The following MLLT3 variants were observed in gnomAD, a reference collection of about 807,000 sequenced individuals.
The protein encoded by MLLT3 is MLLT3 super elongation complex subunit, also known as protein AF-9.
In MLLT3, 4 loss-of-function variants were observed where a neutral mutation model predicts 53.2. The observed-to-expected ratio is 0.08, with a 90% CI of 0.04 to 0.17. The LOEUF (loss-of-function observed/expected upper bound fraction) is 0.17, where lower values mean the gene tolerates loss of function less well. Ranked by LOEUF, MLLT3 falls within the 10% of genes least tolerant of loss-of-function variation. MLLT3 has a pLI of 1.00. For synonymous variants in MLLT3, 283 were observed against 230.6 expected (o/e 1.23, Z -2.06); for missense variants, 569 against 684.0 (o/e 0.83, Z 1.87).
chr9:20,602,508 T>C (rs1014416589), intron 2 of MLLT3, among the ~76,000 whole-genome samples: 2 of 152,126 alleles, frequency 1.3e-5, no homozygotes, highest in African/African-American at 2.4e-5. Flanking sequence ...TCTACATTTG[T>C]ATATGGGATA....
chr9:20,446,353 G>C (rs564799764), intron 4 of MLLT3, among the ~76,000 whole-genome samples: 1 of 152,282 alleles, frequency 6.6e-6, no homozygotes, highest in Admixed American at 6.5e-5. Context: ...GAATCATTCT[G>C]AGATAAAGGC....
intron 2 of MLLT3, among the ~76,000 whole-genome samples, chr9:20,462,890 C>T (rs757844600): frequency 6.6e-6 from 1 of 151,896 alleles, no homozygotes; most frequent in African/African-American, 2.4e-5. Flanking sequence ...GTATACAAGG[C>T]CTGGGCAGCA....
intron 5 of MLLT3, among the ~76,000 whole-genome samples, chr9:20,377,015 A>G (rs893423358): frequency 6.6e-6 from 1 of 152,190 alleles, no homozygotes; most frequent in East Asian, 1.9e-4. Context: ...CCAAAGACAT[A>G]TGTTTTAGCT....
intron 2 of MLLT3, among the ~76,000 whole-genome samples, chr9:20,567,201 G>C (rs1011780100): frequency 1.5e-4 from 20 of 135,286 alleles, no homozygotes; most frequent in African/African-American, 4.9e-4. Context: ...AAAAAAAGTA[G>C]GGCTGAAAAA....
rs776522896 is a variant in MLLT3 at position 20,622,260 on chromosome 9, T to G, written c.-4A>C. 6.3e-7 allele frequency: 1 copy of G among 1,597,156 alleles called. No individual in the cohort carries two copies. The highest frequency in any genetic ancestry group is 1.7e-5 in the Admixed American group (1 of 58,308). On this transcript the variant is annotated 5_prime_UTR_variant, in exon 1 of 11. Coordinates refer to ENST00000380338, the MANE Select transcript of MLLT3 (RefSeq NM_004529.4). ...GCGTACTTACCGAGCTAGCCATGCC[T>G]GGGGGCCCGGAGGTTTGCTGGGGTG...
intron 2 of MLLT3, among the ~76,000 whole-genome samples, chr9:20,483,655 T>C (rs1341955775): frequency 6.6e-6 from 1 of 151,150 alleles, no homozygotes; most frequent in Non-Finnish European, 1.5e-5. Context: ...AGACTCAATA[T>C]GACTTGATGT....
At chr9:20,555,456 G>A (rs35602867) in intron 2 of MLLT3, among the ~76,000 whole-genome samples, 13,289 of 152,142 alleles carry the variant, frequency 0.087, 833 homozygotes, top group Non-Finnish European at 0.14. Flanking sequence ...CTGCAACTGA[G>A]TTCTTGAACC....
chr9:20,343,924 T>C lies in MLLT3; in HGVS notation c.*2519A>G. The C allele has an allele frequency of 4.9e-6, 1 of 202,890 alleles. No homozygotes were observed. The highest frequency in any genetic ancestry group is 7.6e-5 in the East Asian group (1 of 13,084). The allele number at this position is 202,890 out of a possible 1,614,324, so 12.6% of individuals were successfully genotyped here. ...TGAAATTAATTCAAAGGGATCTTTT[T>C]ATTTCTGTATTTAAAAATTAGATGA... On this transcript the variant is annotated 3_prime_UTR_variant, in exon 11 of 11. Coordinates refer to ENST00000380338, the MANE Select transcript of MLLT3 (RefSeq NM_004529.4).
intron 2 of MLLT3, among the ~76,000 whole-genome samples, chr9:20,602,128 A>T (rs887004238): frequency 3.9e-5 from 6 of 152,174 alleles, no homozygotes; most frequent in African/African-American, 1.2e-4. Context: ...TAAGAGTACA[A>T]GTATTTTAAA....
intron 2 of MLLT3, among the ~76,000 whole-genome samples, chr9:20,510,134 C>A (rs773359991): frequency 1.5e-4 from 23 of 151,932 alleles, no homozygotes; most frequent in Middle Eastern, 3.4e-3. Flanking sequence ...AAATGATAAA[C>A]TAGAAGAAAA....
intron 5 of MLLT3, among the ~76,000 whole-genome samples, chr9:20,396,568 C>T (rs1822326952): frequency 6.6e-6 from 1 of 152,060 alleles, no homozygotes. Flanking sequence ...TTGTGTTCCT[C>T]ACCAAAATAT....
chr9:20,547,256 A>G (rs1319709487), intron 2 of MLLT3, among the ~76,000 whole-genome samples: 2 of 151,612 alleles, frequency 1.3e-5, no homozygotes, highest in Admixed American at 1.3e-4. Flanking sequence ...CTGGTTTCAA[A>G]CTCCTGGGCT....
At chr9:20,525,671 G>C (rs1563801284) in intron 2 of MLLT3, among the ~76,000 whole-genome samples, 1 of 152,078 alleles carries the variant, frequency 6.6e-6, no homozygotes, top group African/African-American at 2.4e-5. Flanking sequence ...TGTAGGTCTA[G>C]TCAGTCCCAA....
chr9:20,361,503 T>C (rs972777266), intron 7 of MLLT3, among the ~76,000 whole-genome samples: 14 of 152,244 alleles, frequency 9.2e-5, no homozygotes, highest in Admixed American at 6.5e-5. Flanking sequence ...TCATTTCTAC[T>C]GTGTCATTAT....
chr9:20,568,425 A>G (rs1354074596), intron 2 of MLLT3, among the ~76,000 whole-genome samples: 1 of 152,222 alleles, frequency 6.6e-6, no homozygotes, highest in East Asian at 1.9e-4. Context: ...GGATAATTTT[A>G]TTCAGTATGC....
At chr9:20,365,641 TCTC>T in intron 6 of MLLT3, 25 bp downstream of exon 6, 1 of 1,613,708 alleles carries the variant, frequency 6.2e-7, no homozygotes, top group East Asian at 2.2e-5. Flanking sequence ...GAGAAAAGCA[TCTC>T]CTAGTTTGCA....
intron 7 of MLLT3, 89 bp downstream of exon 7, chr9:20,363,387 T>C: frequency 6.6e-7 from 1 of 1,522,210 alleles, no homozygotes; most frequent in African/African-American, 1.4e-5. Flanking sequence ...GTTTTTGGTG[T>C]TTCACACCTT....
intron 4 of MLLT3, 54 bp from the exon 5 acceptor site, chr9:20,414,479 G>A: frequency 6.3e-7 from 1 of 1,594,292 alleles, no homozygotes; most frequent in East Asian, 2.2e-5. Context: ...GCAATGAAGA[G>A]TCAAAAGAGA....
In MLLT3 at chr9:20,503,778, A is replaced by G. The variant is rs544143141; in HGVS notation, c.194-46992T>C. Among the ~76,000 whole-genome samples the G allele has an allele frequency of 6.6e-5, 10 of 152,268 alleles. No individual in the cohort carries two copies. The East Asian group carries it at 1.3e-3, about 21-fold the overall frequency. On this transcript the variant is annotated intron_variant, in intron 2 of 10. Coordinates refer to ENST00000380338, the MANE Select transcript of MLLT3 (RefSeq NM_004529.4). Reference sequence around the variant, plus strand: ...CACTGAAAGACAACCTGCAGCCTGGAAAAAAATATATGCAAACCATGCATC... The same window carrying G: ...CACTGAAAGACAACCTGCAGCCTGGGAAAAAATATATGCAAACCATGCATC...
Sources: allele counts gnomAD v4.1 joint callset (sites outside exome capture counted in the v4.1 genomes callset), GRCh38; gene constraint gnomAD v4.1.1; transcripts MANE v1.5; gene names NCBI Gene and HGNC (gene_info 2026-07-23, HGNC 2026-07-21).